Variants in LRRIQ1 observed in about 807,000 individuals in gnomAD.
The protein encoded by LRRIQ1 is leucine rich repeats and IQ motif containing 1.
In LRRIQ1, 210 loss-of-function variants were observed where a neutral mutation model predicts 211.9. The ratio of observed to expected loss-of-function variants is 0.99; its 90% CI spans 0.89 to 1.11. LRRIQ1 has a LOEUF of 1.11. Among genes scored for constraint, LRRIQ1 ranks in the 50% most tolerant of loss-of-function variants. The pLI, the probability that LRRIQ1 is intolerant of heterozygous loss-of-function variation, is 0.00. For synonymous variants in LRRIQ1, 699 were observed against 650.1 expected, an observed-to-expected ratio of 1.08 and a Z score of -1.14; for missense variants, 2,136 against 1,939.5, an observed-to-expected ratio of 1.10 and a Z score of -1.90.
intron 18 of LRRIQ1, among the ~76,000 whole-genome samples, chr12:85,131,673 T>C (rs1295201513): frequency 6.6e-6 from 1 of 152,118 alleles, no homozygotes; most frequent in African/African-American, 2.4e-5. Context: ...TAAGAGAATG[T>C]AGGGGTAACA....
At chr12:85,159,597 C>T (rs1890752652) in intron 23 of LRRIQ1, 1 of 151,850 alleles carries the variant, frequency 6.6e-6, no homozygotes, top group Non-Finnish European at 1.5e-5. Flanking sequence ...GGATCTAACC[C>T]AGGTCTGCTG....
chr12:85,037,635 A>T (rs1338173580), intron 1 of LRRIQ1, among the ~76,000 whole-genome samples: 3 of 151,992 alleles, frequency 2.0e-5, no homozygotes. Context: ...GAGGATGGAA[A>T]GAAGGAATGA....
chr12:85,220,021 CT>C (rs1205428639), intron 24 of LRRIQ1, among the ~76,000 whole-genome samples: 4 of 152,116 alleles, frequency 2.6e-5, no homozygotes, highest in Admixed American at 2.0e-4. Context: ...AATGCAATAA[CT>C]TATTTTAATA....
Position 85,226,050 on chromosome 12 carries a change from A to G in LRRIQ1, c.4823-3467A>G, listed in dbSNP as rs114180590. Among the ~76,000 whole-genome samples, 151 of 152,316 alleles carry G rather than the reference A, an allele frequency of 9.9e-4. 1 individual carries two copies. The highest frequency in any genetic ancestry group is 3.5e-3 in the African/African-American group (147 of 41,566). ...TTATGCCTTGGGGTTAAAATGGTTA[A>G]TAAGAATTGGATCCTTATGATTAAA... is the stretch of plus-strand genomic sequence containing the variant. On this transcript the variant is annotated intron_variant, in intron 24 of 26. Coordinates refer to ENST00000393217, the MANE Select transcript of LRRIQ1 (RefSeq NM_001079910.2).
chr12:85,066,532 CAAT>C (rs954003984), intron 9 of LRRIQ1, among the ~76,000 whole-genome samples: 3 of 151,252 alleles, frequency 2.0e-5, no homozygotes, highest in African/African-American at 4.8e-5. Context: ...TATTTTAAAA[CAAT>C]AATATTTAAT....
chr12:85,154,861 A>G (rs1890455019), intron 23 of LRRIQ1, among the ~76,000 whole-genome samples: 1 of 151,288 alleles, frequency 6.6e-6, no homozygotes, highest in African/African-American at 2.4e-5. Context: ...AGTTTCCAAA[A>G]AAGACCAGTT....
chr12:85,250,932 T>TAA (rs1895915518), intron 1 of LRRIQ1, among the ~76,000 whole-genome samples: 6 of 105,062 alleles, frequency 5.7e-5, no homozygotes, highest in African/African-American at 2.4e-4. Flanking sequence ...ATATTATATA[T>TAA]TATATATAAT....
intron 7 of LRRIQ1, among the ~76,000 whole-genome samples, chr12:85,053,074 G>A (rs1880522349): frequency 6.6e-6 from 1 of 151,918 alleles, no homozygotes; most frequent in South Asian, 2.1e-4. Context: ...AATTTGATTG[G>A]ACATAGCAGA....
chr12:85,249,167 A>C (rs1895826237), downstream of LRRIQ1, among the ~76,000 whole-genome samples: 1 of 151,812 alleles, frequency 6.6e-6, no homozygotes, highest in African/African-American at 2.4e-5. Flanking sequence ...AAAACGAAAT[A>C]GATTGCTAGG....
intron 11 of LRRIQ1, among the ~76,000 whole-genome samples, chr12:85,084,521 G>C (rs543710352): frequency 1.3e-4 from 20 of 152,072 alleles, no homozygotes; most frequent in African/African-American, 4.6e-4. Flanking sequence ...TATGTTTTCC[G>C]CATAGATTTT....
chr12:85,191,547 A>T (rs1383494387), intron 24 of LRRIQ1, among the ~76,000 whole-genome samples: 3 of 152,022 alleles, frequency 2.0e-5, no homozygotes, highest in Non-Finnish European at 2.9e-5. Flanking sequence ...GAAGTACCAC[A>T]GTTTATGTAA....
intron 15 of LRRIQ1, among the ~76,000 whole-genome samples, chr12:85,121,293 A>G (rs1006291929): frequency 3.3e-5 from 5 of 152,180 alleles, no homozygotes; most frequent in Non-Finnish European, 7.3e-5. Flanking sequence ...AGAGAAACAG[A>G]ATATACCTCT....
intron 24 of LRRIQ1, among the ~76,000 whole-genome samples, chr12:85,229,139 T>A (rs1565916790): frequency 6.6e-6 from 1 of 151,972 alleles, no homozygotes; most frequent in Non-Finnish European, 1.5e-5. Context: ...TGGATAAGAG[T>A]GGTATAAAAA....
intron 24 of LRRIQ1, among the ~76,000 whole-genome samples, chr12:85,212,783 T>TAG (rs1893897609): frequency 6.8e-6 from 1 of 147,734 alleles, no homozygotes; most frequent in African/African-American, 2.5e-5. Flanking sequence ...ATTTTATATA[T>TAG]ATATAGAGAG....
chr12:85,238,205 C>G (rs370124921), intron 26 of LRRIQ1, among the ~76,000 whole-genome samples: 1 of 151,528 alleles, frequency 6.6e-6, no homozygotes, highest in Non-Finnish European at 1.5e-5. Flanking sequence ...AAGATAAACT[C>G]TCCAAAGTGG....
intron 8 of LRRIQ1, 32 bp from the exon 9 acceptor site, chr12:85,065,230 A>T: frequency 6.3e-7 from 1 of 1,579,028 alleles, no homozygotes; most frequent in Non-Finnish European, 8.6e-7. Flanking sequence ...GTTAAATAAC[A>T]CTACACACTC....
intron 13 of LRRIQ1, among the ~76,000 whole-genome samples, chr12:85,100,341 T>C (rs1886252393): frequency 6.6e-6 from 1 of 151,760 alleles, no homozygotes; most frequent in Non-Finnish European, 1.5e-5. Context: ...CAGTATGATA[T>C]GACATATGCA....
intron 1 of LRRIQ1, among the ~76,000 whole-genome samples, chr12:85,250,934 A>ATATTTTATATAT (rs1895916244): frequency 1.5e-5 from 1 of 68,670 alleles, no homozygotes; most frequent in African/African-American, 6.3e-5. Flanking sequence ...ATTATATATT[A>ATATTTTATATAT]TATATAATAT....
chr12:85,200,457 T>G (rs892602623), intron 24 of LRRIQ1, among the ~76,000 whole-genome samples: 1 of 152,168 alleles, frequency 6.6e-6, no homozygotes, highest in Admixed American at 6.6e-5. Context: ...TATATCTCTC[T>G]CTTGCCTGAT....
Sources: gnomAD v4.1 joint callset for allele counts (sites outside exome capture counted in the v4.1 genomes callset) on GRCh38, gnomAD v4.1.1 for gene constraint, MANE v1.5 for transcripts, NCBI Gene and HGNC (gene_info 2026-07-23, HGNC 2026-07-21) for gene names.